ZNF438: variants seen among roughly 807,000 people sequenced by gnomAD.
The protein encoded by ZNF438 is zinc finger protein 438.
In ZNF438, 25 loss-of-function variants were observed where a neutral mutation model predicts 38.0. That is an observed-to-expected ratio of 0.66 (90% CI 0.48 to 0.92). ZNF438 has a LOEUF of 0.92. ZNF438 is among the 40% of genes least tolerant of loss of function. The pLI is 0.00. For synonymous variants in ZNF438, 372 were observed against 364.1 expected (o/e 1.02, Z -0.25); for missense variants, 1,007 against 999.6 (o/e 1.01, Z -0.10).
rs766506978 is a variant in ZNF438 at position 30,849,562 on chromosome 10, A to G, written c.843T>C (p.Val281=). Residue 281 remains valine (V), a synonymous_variant, in exon 5 of 6, where the codon GTT becomes GTC. Transcript: ENST00000413025. Reference sequence around the variant, plus strand: ...CTTTGGGGACTGAAGAGATCAACTGAACTGCATTGCCAAGAATGGTTGGTG... The same window carrying G: ...CTTTGGGGACTGAAGAGATCAACTGGACTGCATTGCCAAGAATGGTTGGTG... 5 of 1,614,134 alleles carry G rather than the reference A, an allele frequency of 3.1e-6. No homozygotes were observed. In the South Asian group the frequency reaches 5.5e-5, roughly 18 times the overall value.
intron 4 of ZNF438, among the ~76,000 whole-genome samples, chr10:30,856,589 A>G: frequency 6.6e-6 from 1 of 152,180 alleles, no homozygotes; most frequent in East Asian, 1.9e-4. Context: ...ACCTGCACCC[A>G]CTAAATTACA....
intron 1 of ZNF438, among the ~76,000 whole-genome samples, chr10:30,996,372 T>A (rs1449417930): frequency 6.6e-6 from 1 of 151,974 alleles, no homozygotes; most frequent in Non-Finnish European, 1.5e-5. Context: ...GAAGACACAT[T>A]TTAGGTTCAA....
At chr10:31,008,477 CTT>C (rs1189235569) in intron 1 of ZNF438, among the ~76,000 whole-genome samples, 10 of 152,228 alleles carry the variant, frequency 6.6e-5, no homozygotes, top group Non-Finnish European at 1.3e-4. Flanking sequence ...CACAAATCTA[CTT>C]TCTGTCCCTA....
chr10:30,949,447 C>T (rs898871852), intron 1 of ZNF438, among the ~76,000 whole-genome samples: 1 of 152,206 alleles, frequency 6.6e-6, no homozygotes, highest in Non-Finnish European at 1.5e-5. Flanking sequence ...TTAAAAGACA[C>T]AGACTGGCAA....
chr10:30,890,944 G>A (rs537519318), intron 3 of ZNF438, among the ~76,000 whole-genome samples: 2 of 152,234 alleles, frequency 1.3e-5, no homozygotes, highest in Admixed American at 1.3e-4. Flanking sequence ...TTGTGGGTAC[G>A]CAATTCCAGG....
intron 2 of ZNF438, among the ~76,000 whole-genome samples, chr10:30,922,835 C>CAA (rs1216963223): frequency 2.7e-5 from 3 of 110,932 alleles, no homozygotes; most frequent in African/African-American, 6.5e-5. Flanking sequence ...AACTTTGTCT[C>CAA]AAAAAAAAAA....
At chr10:30,949,747 C>T (rs962190732) in intron 1 of ZNF438, among the ~76,000 whole-genome samples, 1 of 151,762 alleles carries the variant, frequency 6.6e-6, no homozygotes. Context: ...ATTCATAAAG[C>T]AAGTCCTGAG....
chr10:30,930,115 C>T (rs971534911), intron 2 of ZNF438, among the ~76,000 whole-genome samples: 13 of 93,208 alleles, frequency 1.4e-4, no homozygotes, highest in Middle Eastern at 6.6e-3. Flanking sequence ...GGGCGGTGCC[C>T]GTAGGGGAGG....
intron 3 of ZNF438, among the ~76,000 whole-genome samples, chr10:30,905,043 A>G (rs2042434314): frequency 6.6e-6 from 1 of 152,170 alleles, no homozygotes; most frequent in African/African-American, 2.4e-5. Context: ...TGGCACAGTA[A>G]CAGACCATCT....
chr10:30,889,301 T>C lies in ZNF438; in HGVS notation c.-31-12236A>G, dbSNP rs530295431. ...CCACATAGTAAATTCTTAATGCTTA[T>C]ATTGATACTTGCATTAATACAATGT... On this transcript the variant is annotated intron_variant, in intron 3 of 5. Transcript: ENST00000413025. Among the ~76,000 whole-genome samples, 356 of 152,356 alleles carry C rather than the reference T, an allele frequency of 2.3e-3. 2 individuals are homozygous for C. The highest frequency in any genetic ancestry group is 4.1e-3 in the Non-Finnish European group (281 of 68,028).
At chr10:31,027,595 G>A (rs1444094979) in intron 1 of ZNF438, among the ~76,000 whole-genome samples, 1 of 152,018 alleles carries the variant, frequency 6.6e-6, no homozygotes. Flanking sequence ...GCATCAATAG[G>A]CTATTGACTA....
At chr10:30,934,571 C>CT (rs149766845) in intron 2 of ZNF438, among the ~76,000 whole-genome samples, 1,861 of 152,306 alleles carry the variant, frequency 0.012, 43 homozygotes, top group African/African-American at 0.041. Flanking sequence ...ACCTATAAAA[C>CT]TTGTTCAGAA....
At chr10:30,849,473 T>A (rs756390662) in exon 5 of ZNF438, 6 of 1,614,190 alleles carry the variant, frequency 3.7e-6, no homozygotes, top group South Asian at 1.1e-5. Context: ...AATGTTAGCA[T>A]CTGATTTGAT....
At chr10:30,963,237 C>T (rs1459304009) in intron 1 of ZNF438, among the ~76,000 whole-genome samples, 2 of 151,338 alleles carry the variant, frequency 1.3e-5, no homozygotes, top group East Asian at 3.9e-4. Flanking sequence ...ACCAAAAATA[C>T]AAAAATTAGC....
chr10:30,880,001 A>C (rs1355915042), intron 3 of ZNF438, among the ~76,000 whole-genome samples: 1 of 152,196 alleles, frequency 6.6e-6, no homozygotes, highest in African/African-American at 2.4e-5. Flanking sequence ...ACATGAAAAC[A>C]TATTAAGGTA....
intron 1 of ZNF438, among the ~76,000 whole-genome samples, chr10:30,971,605 C>G (rs1413748108): frequency 6.6e-6 from 1 of 152,098 alleles, no homozygotes; most frequent in African/African-American, 2.4e-5. Context: ...ATAGTTTCTT[C>G]AATTCCATAG....
chr10:31,023,402 C>T (rs533155750), intron 1 of ZNF438, among the ~76,000 whole-genome samples: 4 of 152,224 alleles, frequency 2.6e-5, no homozygotes, highest in African/African-American at 9.6e-5. Context: ...TAATATATTT[C>T]CACAAATAAT....
At chr10:31,020,515 C>G (rs1225829359) in intron 1 of ZNF438, among the ~76,000 whole-genome samples, 2 of 151,994 alleles carry the variant, frequency 1.3e-5, no homozygotes, top group Non-Finnish European at 2.9e-5. Context: ...TAGTCTGGAG[C>G]CCCAATAGCA....
intron 4 of ZNF438, among the ~76,000 whole-genome samples, chr10:30,856,792 C>G (rs1346223034): frequency 3.9e-5 from 6 of 152,132 alleles, no homozygotes; most frequent in Admixed American, 6.5e-5. Context: ...TACAATTATT[C>G]AACAGGAATA....
Sources: allele counts gnomAD v4.1 joint callset (sites outside exome capture counted in the v4.1 genomes callset), GRCh38; gene constraint gnomAD v4.1.1; transcripts MANE v1.5; gene names NCBI Gene and HGNC (gene_info 2026-07-23, HGNC 2026-07-21).